SSBP3: variants seen among roughly 807,000 people sequenced by gnomAD.
SSBP3 encodes single stranded DNA binding protein 3, also known as single-stranded DNA-binding protein 3.
Under a neutral mutation model 69.6 loss-of-function variants are expected in SSBP3, and 5 were observed. That is an observed-to-expected ratio of 0.07 (90% CI 0.04 to 0.15). The LOEUF (loss-of-function observed/expected upper bound fraction) is 0.15. Among genes scored for constraint, SSBP3 ranks in the 10% least tolerant of loss-of-function variants. The pLI is 1.00. For missense variants in SSBP3, 312 were observed against 534.0 expected (o/e 0.58, Z 4.10); for synonymous variants, 196 against 193.4 (o/e 1.01, Z -0.11).
chr1:54,395,513 T>A (rs115891485), intron 4 of SSBP3, among the ~76,000 whole-genome samples: 170 of 152,286 alleles, frequency 1.1e-3, no homozygotes, highest in African/African-American at 4.0e-3. Context: ...TACCAGTCTG[T>A]GACAGGACTG....
chr1:54,373,197 T>C (rs1007482285), intron 4 of SSBP3, among the ~76,000 whole-genome samples: 2 of 152,074 alleles, frequency 1.3e-5, no homozygotes, highest in Non-Finnish European at 2.9e-5. Flanking sequence ...GGGAAGTTGG[T>C]TGCTAATGGC....
rs1166420375 is a variant in SSBP3 at position 54,291,576 on chromosome 1, C to T, written c.277-10049G>A. 2.0e-5 allele frequency among the ~76,000 whole-genome samples: 3 copies of T among 152,212 alleles called. No homozygotes were observed. The East Asian group carries it at 5.8e-4, about 29-fold the overall frequency. ...ATTTAGCTAACAGTCTCTGTTTCGTCCCCCACTCTGAGTCAACCAGCGTCC... is the reference window on the plus strand; with the variant it reads ...ATTTAGCTAACAGTCTCTGTTTCGTTCCCCACTCTGAGTCAACCAGCGTCC... On this transcript the variant is annotated intron_variant, in intron 4 of 17. Coordinates refer to ENST00000610401, the Ensembl canonical transcript of SSBP3.
chr1:54,307,191 G>GC (rs938442913), intron 4 of SSBP3, among the ~76,000 whole-genome samples: 1 of 152,016 alleles, frequency 6.6e-6, no homozygotes, highest in East Asian at 1.9e-4. Flanking sequence ...GGAACCAGCT[G>GC]CCCCCAGTTA....
intron 4 of SSBP3, among the ~76,000 whole-genome samples, chr1:54,327,254 AAG>A (rs1646325052): frequency 2.0e-5 from 3 of 147,088 alleles, no homozygotes; most frequent in African/African-American, 7.3e-5. Flanking sequence ...GGAAGGAAGG[AAG>A]GAAGGAAGGA....
intron 4 of SSBP3, among the ~76,000 whole-genome samples, chr1:54,309,216 T>A (rs1163668481): frequency 6.6e-6 from 1 of 152,208 alleles, no homozygotes; most frequent in Non-Finnish European, 1.5e-5. Flanking sequence ...ACCTGCCCTC[T>A]GGTCTTGGAC....
Position 54,348,073 on chromosome 1 carries a change from C to T in SSBP3, c.276+53788G>A, listed in dbSNP as rs75970610. ...TTATATGACTCCGTGCAACCAACCA[C>T]GACCTTCTGCAAACACCATCCGGAG... On this transcript the variant is annotated intron_variant, in intron 4 of 17. Transcript: ENST00000610401. Among the ~76,000 whole-genome samples, 720 of 152,202 alleles carry T rather than the reference C, an allele frequency of 4.7e-3. 3 individuals carry two copies. Among genetic ancestry groups the T allele is most frequent in the Middle Eastern group, 0.034 (10 of 294 alleles).
chr1:54,259,448 GAAGCACGTTCC>G (rs1446267023), intron 5 of SSBP3, among the ~76,000 whole-genome samples: 1 of 152,232 alleles, frequency 6.6e-6, no homozygotes, highest in Non-Finnish European at 1.5e-5. Flanking sequence ...GGCTGCCTCG[GAAGCACGTTCC>G]AGCCCACCCA....
At chr1:54,343,110 T>C (rs918736467) in intron 4 of SSBP3, among the ~76,000 whole-genome samples, 1 of 152,228 alleles carries the variant, frequency 6.6e-6, no homozygotes, top group Non-Finnish European at 1.5e-5. Flanking sequence ...GCCCGGATCC[T>C]GTACCAGGGG....
At chr1:54,383,934 A>G (rs2100737038) in intron 4 of SSBP3, among the ~76,000 whole-genome samples, 1 of 152,052 alleles carries the variant, frequency 6.6e-6, no homozygotes, top group East Asian at 1.9e-4. Flanking sequence ...GCAAAACCCC[A>G]TCTCTACTAA....
Position 54,389,493 on chromosome 1 carries a change from C to G in SSBP3, c.276+12368G>C, listed in dbSNP as rs1570026059. Among the ~76,000 whole-genome samples, 3 of 152,190 alleles carry G rather than the reference C, an allele frequency of 2.0e-5. No homozygotes were observed. The South Asian group carries it at 6.3e-4, about 32-fold the overall frequency. ...CTGGCTCATCTCCGTCAGGACCCAC[C>G]TGGTCCTGCCAGCCTCAGCATCAAA... is the stretch of plus-strand genomic sequence containing the variant. On this transcript the variant is annotated intron_variant, in intron 4 of 17. Transcript: ENST00000610401.
At chr1:54,290,641 T>C (rs958249610) in intron 4 of SSBP3, among the ~76,000 whole-genome samples, 8 of 152,176 alleles carry the variant, frequency 5.3e-5, no homozygotes, top group Non-Finnish European at 8.8e-5. Flanking sequence ...CAAAGGTCAC[T>C]GTTTGGTAAG....
At chr1:54,272,196 T>C (rs964240900) in intron 5 of SSBP3, among the ~76,000 whole-genome samples, 1 of 152,262 alleles carries the variant, frequency 6.6e-6, no homozygotes, top group East Asian at 1.9e-4. Flanking sequence ...GGGAGTTAAC[T>C]TAGGCAGAAA....
At chr1:54,245,527 C>T (rs1052423900) in intron 9 of SSBP3, among the ~76,000 whole-genome samples, 1 of 152,206 alleles carries the variant, frequency 6.6e-6, no homozygotes, top group African/African-American at 2.4e-5. Context: ...TTCCAAATCT[C>T]ACCACCCTGG....
At chr1:54,313,435 CTTTTT>C (rs752753963) in intron 4 of SSBP3, among the ~76,000 whole-genome samples, 26 of 86,422 alleles carry the variant, frequency 3.0e-4, no homozygotes, top group African/African-American at 8.7e-4. Context: ...TGTGCCTGTG[CTTTTT>C]TTTTTTTTTT....
rs74071610 is a variant in SSBP3, at chr1:54,261,070, C to T, written c.367-2921G>A. Among the ~76,000 whole-genome samples, 768 of 152,362 alleles carry T rather than the reference C, an allele frequency of 5.0e-3. 9 individuals carry two copies. The highest frequency in any genetic ancestry group is 0.018 in the African/African-American group (744 of 41,594). On this transcript the variant is annotated intron_variant, in intron 5 of 17. Coordinates refer to ENST00000610401, the Ensembl canonical transcript of SSBP3. Reference sequence around the variant, plus strand: ...ACATCCACAGAGAACTCCTCTGTGTCTCTGCTACCTCCACTCAGCCCGGAG... The same window carrying T: ...ACATCCACAGAGAACTCCTCTGTGTTTCTGCTACCTCCACTCAGCCCGGAG...
At chr1:54,390,780 G>A (rs547092647) in intron 4 of SSBP3, among the ~76,000 whole-genome samples, 1 of 152,370 alleles carries the variant, frequency 6.6e-6, no homozygotes, top group East Asian at 1.9e-4. Context: ...CTGCGGGCCA[G>A]GGCCGCCGCC....
At chr1:54,313,657 A>G (rs573204232) in intron 4 of SSBP3, among the ~76,000 whole-genome samples, 1 of 152,212 alleles carries the variant, frequency 6.6e-6, no homozygotes, top group African/African-American at 2.4e-5. Flanking sequence ...CTGCAGCCGT[A>G]GGCTGCCCAT....
chr1:54,356,253 A>T (rs1646861875), intron 4 of SSBP3, among the ~76,000 whole-genome samples: 1 of 152,224 alleles, frequency 6.6e-6, no homozygotes, highest in Non-Finnish European at 1.5e-5. Context: ...TACAAATTAA[A>T]GCAAGAAAAA....
At chr1:54,276,096 G>A (rs993712565) in intron 5 of SSBP3, among the ~76,000 whole-genome samples, 11 of 152,164 alleles carry the variant, frequency 7.2e-5, no homozygotes, top group African/African-American at 2.7e-4. Context: ...GGACTCAACG[G>A]AAAGGGGATG....
Sources: allele counts gnomAD v4.1 joint callset (sites outside exome capture counted in the v4.1 genomes callset), GRCh38; gene constraint gnomAD v4.1.1; transcripts MANE v1.5; gene names NCBI Gene and HGNC (gene_info 2026-07-23, HGNC 2026-07-21).